Variants in SLC24A4 observed in about 807,000 individuals in gnomAD.
SLC24A4 encodes the protein sodium/potassium/calcium exchanger 4.
A neutral mutation model predicts 79.0 loss-of-function variants in SLC24A4; 53 were observed. The ratio of observed to expected loss-of-function variants is 0.67; its 90% CI spans 0.54 to 0.84. The LOEUF is 0.84. Ranked by LOEUF, SLC24A4 falls within the 40% of genes least tolerant of loss-of-function variation. The probability of loss-of-function intolerance (pLI) is 0.00; values close to 1 mark genes in which losing one functional copy is unlikely to be tolerated. For synonymous variants in SLC24A4, 323 were observed against 323.8 expected (o/e 1.00, Z 0.03); for missense variants, 731 against 822.0 (o/e 0.89, Z 1.35).
At chr14:92,454,551 G>T (rs975082054) in intron 11 of SLC24A4, among the ~76,000 whole-genome samples, 1 of 152,140 alleles carries the variant, frequency 6.6e-6, no homozygotes, top group Non-Finnish European at 1.5e-5. Flanking sequence ...ATTATTTAAT[G>T]TATAAACAGT....
chr14:92,325,034 C>T (rs1011514885), intron 1 of SLC24A4, among the ~76,000 whole-genome samples: 53 of 152,144 alleles, frequency 3.5e-4, no homozygotes, highest in African/African-American at 1.3e-3. Flanking sequence ...TTTTGAATAT[C>T]TTAGTACCTG....
intron 2 of SLC24A4, among the ~76,000 whole-genome samples, chr14:92,362,480 G>A (rs1380808550): frequency 1.3e-5 from 2 of 152,132 alleles, no homozygotes; most frequent in Admixed American, 1.3e-4. Context: ...GGTTGGGCAG[G>A]TGTGGGTTGA....
intron 2 of SLC24A4, among the ~76,000 whole-genome samples, chr14:92,341,656 G>A (rs1345115948): frequency 6.6e-6 from 1 of 152,168 alleles, no homozygotes; most frequent in African/African-American, 2.4e-5. Context: ...CGGGCAGCTT[G>A]CCTCCCCTAA....
chr14:92,432,759 C>T (rs534405969), intron 2 of SLC24A4, among the ~76,000 whole-genome samples: 12 of 152,016 alleles, frequency 7.9e-5, no homozygotes, highest in African/African-American at 1.5e-4. Context: ...TGTGGCTTGC[C>T]GAGAGAATCA....
At chr14:92,372,926 T>TTC (rs1301959350) in intron 2 of SLC24A4, among the ~76,000 whole-genome samples, 47 of 96,098 alleles carry the variant, frequency 4.9e-4, no homozygotes, top group East Asian at 9.9e-4. Flanking sequence ...CCTTTCTTTC[T>TTC]CTTTCTTTCT....
chr14:92,469,270 A>G (rs933147943), intron 12 of SLC24A4, among the ~76,000 whole-genome samples: 2 of 152,154 alleles, frequency 1.3e-5, no homozygotes, highest in Non-Finnish European at 2.9e-5. Context: ...GCACTTTGGG[A>G]GACCGAGGTG....
intron 9 of SLC24A4, 115 bp downstream of exon 9, chr14:92,447,539 C>A: frequency 1.0e-6 from 1 of 998,200 alleles, no homozygotes; most frequent in Non-Finnish European, 1.5e-6. Flanking sequence ...TTTAGGCCAG[C>A]CCCAGCTCTC....
At chr14:92,484,551 T>G in intron 13 of SLC24A4, 10 of 985,394 alleles carry the variant, frequency 1.0e-5, no homozygotes, top group Non-Finnish European at 1.2e-5. Flanking sequence ...TGATTGTGTT[T>G]TAGTGAATGA....
At chr14:92,435,979 G>A (rs913415708) in intron 3 of SLC24A4, among the ~76,000 whole-genome samples, 1 of 152,214 alleles carries the variant, frequency 6.6e-6, no homozygotes, top group Non-Finnish European at 1.5e-5. Flanking sequence ...TGCACCGTGG[G>A]AATTTCACAG....
chr14:92,367,409 G>A lies in SLC24A4; in HGVS notation c.241+41431G>A, dbSNP rs146299300. Among the ~76,000 whole-genome samples, 478 of 152,362 alleles carry A rather than the reference G, an allele frequency of 3.1e-3. 4 individuals carry two copies. Among genetic ancestry groups the A allele is most frequent in the African/African-American group, 0.011 (458 of 41,568 alleles). On this transcript the variant is annotated intron_variant, in intron 2 of 16. Transcript: ENST00000532405. ...GAGGGAGGCCAGGGTTGCCTGGTTA[G>A]TAAGCTGCAGAGCTTGTTCCAGCTC...
At chr14:92,416,965 A>G (rs1417562417) in intron 2 of SLC24A4, among the ~76,000 whole-genome samples, 1 of 152,148 alleles carries the variant, frequency 6.6e-6, no homozygotes, top group African/African-American at 2.4e-5. Flanking sequence ...AAGAGGTCAT[A>G]TGTCCAAGTT....
At chr14:92,473,047 C>A (rs946574757) in intron 12 of SLC24A4, among the ~76,000 whole-genome samples, 5 of 152,192 alleles carry the variant, frequency 3.3e-5, no homozygotes, top group African/African-American at 1.2e-4. Context: ...TGGCCCCATG[C>A]GGCACACCCT....
intron 2 of SLC24A4, among the ~76,000 whole-genome samples, chr14:92,342,821 C>T (rs1886243900): frequency 6.6e-6 from 1 of 152,254 alleles, no homozygotes; most frequent in Non-Finnish European, 1.5e-5. Flanking sequence ...CTGCTCCTCC[C>T]ACTTTTTGGA....
At chr14:92,484,585 G>A (rs1306992731) in intron 13 of SLC24A4, 1 of 985,278 alleles carries the variant, frequency 1.0e-6, no homozygotes, top group Admixed American at 6.1e-5. Context: ...ACTCAGGAGA[G>A]GCAGAACCAC....
intron 11 of SLC24A4, 140 bp from the exon 12 acceptor site, chr14:92,456,264 G>A (rs1893453796): frequency 9.4e-6 from 7 of 742,868 alleles, no homozygotes; most frequent in Non-Finnish European, 1.6e-5. Flanking sequence ...TCCTGGGGCT[G>A]ATTCTCAGGC....
chr14:92,378,498 T>C (rs556752110), intron 2 of SLC24A4, among the ~76,000 whole-genome samples: 2 of 152,306 alleles, frequency 1.3e-5, no homozygotes, highest in African/African-American at 4.8e-5. Context: ...GCTCTGAGCA[T>C]CTTTGTGTGT....
chr14:92,489,444 T>G (rs1028572279), intron 14 of SLC24A4, among the ~76,000 whole-genome samples: 5 of 151,354 alleles, frequency 3.3e-5, no homozygotes, highest in Non-Finnish European at 7.4e-5. Flanking sequence ...AAAAAAAAAA[T>G]AGCTTCCTGA....
At chr14:92,486,042 T>G (rs1054799687) in intron 13 of SLC24A4, among the ~76,000 whole-genome samples, 1 of 152,226 alleles carries the variant, frequency 6.6e-6, no homozygotes, top group Non-Finnish European at 1.5e-5. Flanking sequence ...ACCCTGCGCT[T>G]ACTTTCACTA....
intron 2 of SLC24A4, among the ~76,000 whole-genome samples, chr14:92,330,508 C>T (rs1291024397): frequency 6.6e-6 from 1 of 152,198 alleles, no homozygotes. Context: ...GCAGGTCTCT[C>T]CATGCCACAT....
Sources: allele counts gnomAD v4.1 joint callset (sites outside exome capture counted in the v4.1 genomes callset), GRCh38; gene constraint gnomAD v4.1.1; transcripts MANE v1.5; gene names NCBI Gene and HGNC (gene_info 2026-07-23, HGNC 2026-07-21).